The following CCSER1 variants were observed in gnomAD, a reference collection of about 807,000 sequenced individuals.
The protein encoded by CCSER1 is serine-rich coiled-coil domain-containing protein 1.
CCSER1 carries 41 observed loss-of-function variants against 82.0 expected under a neutral mutation model. The ratio of observed to expected loss-of-function variants is 0.50; its 90% confidence interval spans 0.39 to 0.65. CCSER1 has a LOEUF of 0.65. Among genes scored for constraint, CCSER1 ranks in the 30% least tolerant of loss-of-function variants. The pLI is 0.00. For synonymous variants in CCSER1, 414 were observed against 383.9 expected, an observed-to-expected ratio of 1.08 and a Z score of -0.92; for missense variants, 1,119 against 1,064.2, an observed-to-expected ratio of 1.05 and a Z score of -0.72.
rs78251586 is a variant in CCSER1, at chr4:90,538,071, C to T, written c.1724+69717C>T. The stretch of plus-strand genomic sequence containing the variant: ...TGTGCTTACTTAGAAATTTCTTTCC[C>T]GTTGTCCCTGCTCTGATCTGCACAG... On this transcript the variant is annotated intron_variant, in intron 5 of 10. Transcript: ENST00000509176. 1.6e-3 allele frequency among the ~76,000 whole-genome samples: 241 copies of T among 152,080 alleles called. 2 individuals carry two copies. The highest frequency in any genetic ancestry group is 5.6e-3 in the African/African-American group (232 of 41,518).
chr4:90,751,163 A>C (rs1260416732), intron 7 of CCSER1, among the ~76,000 whole-genome samples: 1 of 152,156 alleles, frequency 6.6e-6, no homozygotes, highest in Admixed American at 6.6e-5. Context: ...CATATAAAAA[A>C]GTAAGACATT....
intron 1 of CCSER1, among the ~76,000 whole-genome samples, chr4:90,304,513 T>C (rs1733835009): frequency 6.6e-6 from 1 of 152,000 alleles, no homozygotes; most frequent in African/African-American, 2.4e-5. Context: ...ACGGATGAAA[T>C]TGGAAATCAT....
chr4:91,333,274 T>C (rs1220900363), intron 10 of CCSER1, among the ~76,000 whole-genome samples: 1 of 152,046 alleles, frequency 6.6e-6, no homozygotes, highest in Non-Finnish European at 1.5e-5. Flanking sequence ...AAATGACTTG[T>C]TTATCATAGA....
intron 10 of CCSER1, among the ~76,000 whole-genome samples, chr4:91,365,064 A>G (rs958837419): frequency 6.6e-6 from 1 of 152,184 alleles, no homozygotes; most frequent in Non-Finnish European, 1.5e-5. Context: ...CACTACTTCC[A>G]TCAAAGTATA....
At chr4:90,524,983 G>T (rs1235257231) in intron 5 of CCSER1, among the ~76,000 whole-genome samples, 1 of 151,862 alleles carries the variant, frequency 6.6e-6, no homozygotes, top group Non-Finnish European at 1.5e-5. Flanking sequence ...TTAAAATCAT[G>T]CAAATGACTG....
chr4:90,806,885 A>G (rs1343472155), intron 7 of CCSER1, among the ~76,000 whole-genome samples: 1 of 147,958 alleles, frequency 6.8e-6, no homozygotes, highest in Non-Finnish European at 1.5e-5. Flanking sequence ...TTTTCTTCAC[A>G]TTTCCTTTCC....
chr4:90,280,977 C>T (rs1728744200), intron 1 of CCSER1, among the ~76,000 whole-genome samples: 1 of 151,984 alleles, frequency 6.6e-6, no homozygotes, highest in African/African-American at 2.4e-5. Flanking sequence ...AGGCCAAAAA[C>T]ATTTGAAATC....
intron 8 of CCSER1, chr4:90,838,972 C>T (rs1580719903): frequency 6.2e-7 from 1 of 1,613,082 alleles, no homozygotes. Flanking sequence ...TCTCTTGCGT[C>T]TCTGTCTTCT....
At chr4:90,728,110 G>A (rs182589715) in intron 7 of CCSER1, among the ~76,000 whole-genome samples, 1 of 152,226 alleles carries the variant, frequency 6.6e-6, no homozygotes, top group Admixed American at 6.5e-5. Flanking sequence ...TCCCTGGGAT[G>A]TTTGCATTCC....
intron 1 of CCSER1, among the ~76,000 whole-genome samples, chr4:90,140,257 T>C (rs992556492): frequency 1.3e-5 from 2 of 152,214 alleles, no homozygotes; most frequent in African/African-American, 4.8e-5. Context: ...TTTAGGTGTT[T>C]TGTAGTGAAA....
chr4:91,422,001 C>T (rs1753706869), intron 10 of CCSER1, among the ~76,000 whole-genome samples: 1 of 151,960 alleles, frequency 6.6e-6, no homozygotes, highest in Admixed American at 6.6e-5. Context: ...GAAAAGGGGA[C>T]CTCAGTTCTA....
chr4:91,161,745 A>G (rs1032750620), intron 10 of CCSER1, among the ~76,000 whole-genome samples: 2 of 152,110 alleles, frequency 1.3e-5, no homozygotes, highest in Non-Finnish European at 2.9e-5. Context: ...ATTTTTGCAC[A>G]TTGATTTTCT....
chr4:90,227,818 A>G (rs1743502220), intron 1 of CCSER1, among the ~76,000 whole-genome samples: 1 of 152,220 alleles, frequency 6.6e-6, no homozygotes, highest in Non-Finnish European at 1.5e-5. Context: ...GGGAAGCGCA[A>G]AGAGTCAGGG....
At chr4:90,925,824 CT>C (rs1472352133) in intron 9 of CCSER1, among the ~76,000 whole-genome samples, 9 of 151,968 alleles carry the variant, frequency 5.9e-5, no homozygotes, top group Non-Finnish European at 1.0e-4. Context: ...AAGAATAATA[CT>C]TTTTTTGACA....
intron 7 of CCSER1, among the ~76,000 whole-genome samples, chr4:90,804,278 G>A (rs768581368): frequency 1.4e-4 from 22 of 152,018 alleles, no homozygotes; most frequent in Non-Finnish European, 8.8e-5. Context: ...TAGACATGAA[G>A]TCTTTGTCCA....
At chr4:90,218,831 A>T (rs1047775648) in intron 1 of CCSER1, among the ~76,000 whole-genome samples, 1 of 151,272 alleles carries the variant, frequency 6.6e-6, no homozygotes, top group Admixed American at 6.6e-5. Context: ...ACCAGCCTGG[A>T]CAACATAGCA....
At chr4:90,351,149 T>G (rs549528435) in intron 3 of CCSER1, among the ~76,000 whole-genome samples, 1 of 152,308 alleles carries the variant, frequency 6.6e-6, no homozygotes, top group African/African-American at 2.4e-5. Context: ...TAAAATATAT[T>G]GTAAATCTAC....
intron 10 of CCSER1, among the ~76,000 whole-genome samples, chr4:91,254,880 C>T (rs950734899): frequency 5.9e-5 from 9 of 152,024 alleles, no homozygotes; most frequent in African/African-American, 1.9e-4. Context: ...CGCTAGAACA[C>T]AGATACATTA....
intron 10 of CCSER1, among the ~76,000 whole-genome samples, chr4:91,247,018 T>C (rs1739841863): frequency 6.6e-6 from 1 of 151,962 alleles, no homozygotes; most frequent in Non-Finnish European, 1.5e-5. Context: ...AATACTGGAA[T>C]TGGCCCGGTG....
Sources: allele counts gnomAD v4.1 joint callset (sites outside exome capture counted in the v4.1 genomes callset), GRCh38; gene constraint gnomAD v4.1.1; transcripts MANE v1.5; gene names NCBI Gene and HGNC (gene_info 2026-07-23, HGNC 2026-07-21).